PDE4D: variants seen among roughly 807,000 people sequenced by gnomAD.
PDE4D encodes the protein 3',5'-cyclic-AMP phosphodiesterase 4D.
PDE4D carries 24 observed loss-of-function variants against 87.4 expected under a neutral mutation model. That is an observed-to-expected ratio of 0.27 (90% CI 0.20 to 0.39). The LOEUF (loss-of-function observed/expected upper bound fraction) is 0.39. Among genes scored for constraint, PDE4D ranks in the 10% least tolerant of loss-of-function variants. PDE4D has a pLI of 1.00. For missense variants in PDE4D, 714 were observed against 1,041.0 expected, an observed-to-expected ratio of 0.69 and a Z score of 4.32; for synonymous variants, 384 against 383.2, an observed-to-expected ratio of 1.00 and a Z score of -0.02.
chr5:59,585,445 C>G (rs759607948), intron 1 of PDE4D, among the ~76,000 whole-genome samples: 1 of 152,310 alleles, frequency 6.6e-6, no homozygotes, highest in South Asian at 2.1e-4. Context: ...CAAAATCAGA[C>G]AAACTGCATT....
rs183803773 is a variant in PDE4D, at chr5:59,868,926, T to C, written c.455+24242A>G. The stretch of plus-strand genomic sequence containing the variant: ...TATCATAGTCATATTATTCAACCTC[T>C]GTAGAATGGGAAATGCAGCATCTAA... On this transcript the variant is annotated intron_variant, in intron 1 of 14. Coordinates refer to ENST00000340635, the MANE Select transcript of PDE4D (RefSeq NM_001104631.2). Among the ~76,000 whole-genome samples, 49 of 152,320 alleles carry C rather than the reference T, an allele frequency of 3.2e-4. 1 individual carries two copies. In the East Asian group the frequency reaches 8.7e-3, roughly 27 times the overall value.
intron 1 of PDE4D, among the ~76,000 whole-genome samples, chr5:60,225,609 G>A (rs969874117): frequency 1.3e-5 from 2 of 152,062 alleles, no homozygotes; most frequent in Non-Finnish European, 2.9e-5. Context: ...TGATAAAACT[G>A]AATTGCTCAA....
At chr5:59,860,180 C>T (rs898683619) in intron 1 of PDE4D, among the ~76,000 whole-genome samples, 12 of 152,044 alleles carry the variant, frequency 7.9e-5, no homozygotes, top group Admixed American at 7.9e-4. Flanking sequence ...TGGCTTTTTA[C>T]TGTGAGAATG....
At chr5:59,992,376 T>C (rs1395619558) in intron 2 of PDE4D, among the ~76,000 whole-genome samples, 1 of 152,150 alleles carries the variant, frequency 6.6e-6, no homozygotes, top group African/African-American at 2.4e-5. Flanking sequence ...ATTGTGGGAC[T>C]TCACCTTGTG....
At chr5:60,179,713 G>A (rs1029090607) in intron 2 of PDE4D, among the ~76,000 whole-genome samples, 1 of 152,018 alleles carries the variant, frequency 6.6e-6, no homozygotes, top group Non-Finnish European at 1.5e-5. Context: ...GGGAAACAAT[G>A]TAAACACACT....
At chr5:60,154,130 A>C (rs1461592795) in intron 2 of PDE4D, among the ~76,000 whole-genome samples, 1 of 152,238 alleles carries the variant, frequency 6.6e-6, no homozygotes, top group Non-Finnish European at 1.5e-5. Flanking sequence ...TAAGTGAAAC[A>C]GTGCTTTTTT....
chr5:60,134,677 T>A (rs942514716), intron 2 of PDE4D, among the ~76,000 whole-genome samples: 1 of 152,226 alleles, frequency 6.6e-6, no homozygotes, highest in Non-Finnish European at 1.5e-5. Context: ...ATATTTTAAA[T>A]CATCTCTAGA....
At chr5:60,053,859 T>A (rs979202225) in intron 2 of PDE4D, among the ~76,000 whole-genome samples, 1 of 151,926 alleles carries the variant, frequency 6.6e-6, no homozygotes, top group African/African-American at 2.4e-5. Context: ...AAGAAACCCA[T>A]CAAAAAGTGG....
chr5:59,156,347 G>C (rs1233413951), intron 5 of PDE4D, among the ~76,000 whole-genome samples: 1 of 116,194 alleles, frequency 8.6e-6, no homozygotes, highest in African/African-American at 3.1e-5. Flanking sequence ...GTGTGTGTGT[G>C]TGTGTGTGTG....
At chr5:60,278,086 C>T (rs142697380) in intron 1 of PDE4D, among the ~76,000 whole-genome samples, 2,073 of 152,234 alleles carry the variant, frequency 0.014, 29 homozygotes, top group Non-Finnish European at 0.02. Flanking sequence ...TAGCTAACTT[C>T]CTTTAGCCAT....
intron 1 of PDE4D, among the ~76,000 whole-genome samples, chr5:59,541,703 A>G (rs887565328): frequency 2.0e-5 from 3 of 152,230 alleles, no homozygotes; most frequent in Non-Finnish European, 2.9e-5. Context: ...ACTATTATCA[A>G]TGGTTTCCTA....
At chr5:59,967,424 A>G (rs560202435) in intron 3 of PDE4D, among the ~76,000 whole-genome samples, 50 of 152,282 alleles carry the variant, frequency 3.3e-4, no homozygotes, top group African/African-American at 1.1e-3. Context: ...TAAGCAAAAA[A>G]CACATAACCC....
chr5:59,852,849 G>T (rs1744887289), intron 1 of PDE4D, among the ~76,000 whole-genome samples: 1 of 151,904 alleles, frequency 6.6e-6, no homozygotes, highest in Admixed American at 6.6e-5. Flanking sequence ...TCGTTCAGTA[G>T]TATTTTAGGG....
intron 6 of PDE4D, among the ~76,000 whole-genome samples, chr5:58,994,327 GA>G (rs1215824793): frequency 2.0e-5 from 3 of 152,058 alleles, no homozygotes; most frequent in Non-Finnish European, 4.4e-5. Context: ...ATCTCCCAAA[GA>G]TTTTACACTT....
At chr5:59,012,775 A>T (rs916740220) in intron 6 of PDE4D, among the ~76,000 whole-genome samples, 2 of 152,192 alleles carry the variant, frequency 1.3e-5, no homozygotes, top group African/African-American at 4.8e-5. Context: ...ATATCCAGGA[A>T]TTGAACTCAG....
intron 2 of PDE4D, among the ~76,000 whole-genome samples, chr5:60,070,090 G>A (rs1352242956): frequency 6.6e-6 from 1 of 152,018 alleles, no homozygotes; most frequent in East Asian, 1.9e-4. Context: ...TGAATCTTCA[G>A]AGTTTTCTCT....
chr5:59,232,637 A>G (rs1429633014), intron 1 of PDE4D, among the ~76,000 whole-genome samples: 1 of 152,094 alleles, frequency 6.6e-6, no homozygotes, highest in African/African-American at 2.4e-5. Flanking sequence ...TAAAAGTAGA[A>G]CTATTATACA....
intron 2 of PDE4D, among the ~76,000 whole-genome samples, chr5:60,063,157 G>A (rs5014450): frequency 0.15 from 13,182 of 90,254 alleles, 844 homozygotes; most frequent in East Asian, 0.46. Context: ...AAAGAAAGAA[G>A]GAAAGAAAGA....
intron 2 of PDE4D, among the ~76,000 whole-genome samples, chr5:60,057,120 C>A (rs549045452): frequency 1.3e-5 from 2 of 152,046 alleles, no homozygotes; most frequent in East Asian, 3.9e-4. Flanking sequence ...TTCATGCCCA[C>A]TTATATTTGA....
Sources: gnomAD v4.1 joint callset for allele counts (sites outside exome capture counted in the v4.1 genomes callset) on GRCh38, gnomAD v4.1.1 for gene constraint, MANE v1.5 for transcripts, NCBI Gene and HGNC (gene_info 2026-07-23, HGNC 2026-07-21) for gene names.